The following GABRB2 variants were observed in gnomAD, a reference collection of about 807,000 sequenced individuals.
The protein encoded by GABRB2 is gamma-aminobutyric acid type A receptor subunit beta2.
GABRB2 carries 16 observed loss-of-function variants against 54.7 expected under a neutral mutation model. The ratio of observed to expected loss-of-function variants is 0.29; its 90% CI spans 0.20 to 0.44. The LOEUF (loss-of-function observed/expected upper bound fraction) is 0.44. Ranked by LOEUF, GABRB2 falls within the 20% of genes least tolerant of loss-of-function variation. The pLI is 1.00. For synonymous variants in GABRB2, 244 were observed against 233.8 expected, an observed-to-expected ratio of 1.04 and a Z score of -0.40; for missense variants, 355 against 644.0, an observed-to-expected ratio of 0.55 and a Z score of 4.86.
At chr5:161,325,597 A>G (rs557492516) in intron 9 of GABRB2, among the ~76,000 whole-genome samples, 18 of 152,254 alleles carry the variant, frequency 1.2e-4, no homozygotes, top group African/African-American at 4.3e-4. Flanking sequence ...AAAGATTCAC[A>G]AATATCCAAT....
At chr5:161,517,153 T>C (rs767250241) in intron 3 of GABRB2, among the ~76,000 whole-genome samples, 1 of 152,104 alleles carries the variant, frequency 6.6e-6, no homozygotes, top group African/African-American at 2.4e-5. Context: ...ATTAGGTGTT[T>C]GGGACCCAGC....
At chr5:161,301,636 G>A (rs35501377) in intron 9 of GABRB2, among the ~76,000 whole-genome samples, 3,865 of 152,286 alleles carry the variant, frequency 0.025, 73 homozygotes, top group East Asian at 0.076. Context: ...TGAAACGAGA[G>A]GGAGGGAAGA....
intron 5 of GABRB2, among the ~76,000 whole-genome samples, chr5:161,377,942 C>T (rs1755358120): frequency 2.0e-5 from 3 of 151,950 alleles, no homozygotes; most frequent in South Asian, 2.1e-4. Context: ...TTATTACATA[C>T]ATATTTAATA....
chr5:161,316,298 C>T (rs1023746546), intron 9 of GABRB2, among the ~76,000 whole-genome samples: 4 of 152,090 alleles, frequency 2.6e-5, no homozygotes, highest in Middle Eastern at 3.4e-3. Flanking sequence ...AATTTGTCTT[C>T]GTGAAGACCC....
intron 9 of GABRB2, among the ~76,000 whole-genome samples, chr5:161,300,268 C>A (rs1757498703): frequency 6.6e-6 from 1 of 152,168 alleles, no homozygotes; most frequent in African/African-American, 2.4e-5. Context: ...CTTTACAAAT[C>A]TAGATGTTAA....
intron 3 of GABRB2, among the ~76,000 whole-genome samples, chr5:161,490,251 G>T (rs1490422323): frequency 6.6e-6 from 1 of 151,600 alleles, no homozygotes. Context: ...TAAACTGTAT[G>T]TCCAGCATTT....
At chr5:161,540,029 G>A (rs1182859401) in intron 3 of GABRB2, among the ~76,000 whole-genome samples, 3 of 152,166 alleles carry the variant, frequency 2.0e-5, no homozygotes, top group Non-Finnish European at 4.4e-5. Flanking sequence ...CGCTGGCGTG[G>A]CTGAGACAGT....
At chr5:161,492,768 C>T (rs184457142) in intron 3 of GABRB2, among the ~76,000 whole-genome samples, 86 of 151,816 alleles carry the variant, frequency 5.7e-4, no homozygotes, top group Non-Finnish European at 1.0e-3. Flanking sequence ...ATGAGTCAAA[C>T]GGGATCGTCC....
At chr5:161,460,258 T>A (rs1251463697) in intron 3 of GABRB2, among the ~76,000 whole-genome samples, 1 of 148,794 alleles carries the variant, frequency 6.7e-6, no homozygotes, top group South Asian at 2.1e-4. Context: ...GAAAACAAAT[T>A]TATATATATA....
chr5:161,518,110 T>C (rs2113422697), intron 3 of GABRB2, among the ~76,000 whole-genome samples: 1 of 152,210 alleles, frequency 6.6e-6, no homozygotes, highest in East Asian at 1.9e-4. Context: ...ACCTGGCCAA[T>C]TTCTGATTTT....
chr5:161,480,714 C>T lies in GABRB2; in HGVS notation c.238-20870G>A, dbSNP rs1378831603. Among the ~76,000 whole-genome samples the T allele has an allele frequency of 2.6e-5, 4 of 152,182 alleles. No homozygotes were observed. In the East Asian group the frequency reaches 7.8e-4, roughly 30 times the overall value. The stretch of plus-strand genomic sequence containing the variant: ...ATGATTTGAGTCAGCTCATTTAAAA[C>T]ATGTTTACCAGGAATTAGTGTTTAA... On this transcript the variant is annotated intron_variant, in intron 3 of 9. Coordinates refer to ENST00000393959, the MANE Select transcript of GABRB2 (RefSeq NM_001371727.1).
At chr5:161,392,582 C>T (rs1480738239) in intron 5 of GABRB2, among the ~76,000 whole-genome samples, 1 of 152,114 alleles carries the variant, frequency 6.6e-6, no homozygotes, top group African/African-American at 2.4e-5. Context: ...CTCTGTGTAA[C>T]CTTGGGCATG....
intron 3 of GABRB2, among the ~76,000 whole-genome samples, chr5:161,539,413 A>G (rs1760744166): frequency 6.6e-6 from 1 of 152,174 alleles, no homozygotes; most frequent in African/African-American, 2.4e-5. Flanking sequence ...AGGACTCACA[A>G]CTGCATGCCA....
intron 3 of GABRB2, among the ~76,000 whole-genome samples, chr5:161,528,102 C>T (rs1165917323): frequency 2.0e-5 from 3 of 151,672 alleles, no homozygotes; most frequent in Non-Finnish European, 4.4e-5. Context: ...TGCATTCACA[C>T]AAGGGAATTC....
intron 3 of GABRB2, among the ~76,000 whole-genome samples, chr5:161,469,680 CACATACACATA>C (rs1299444755): frequency 3.6e-4 from 38 of 105,208 alleles, no homozygotes; most frequent in African/African-American, 1.3e-3. Context: ...TTCACACATA[CACATACACATA>C]CACATACACA....
At chr5:161,447,311 G>T (rs1034353782) in intron 4 of GABRB2, among the ~76,000 whole-genome samples, 1 of 152,122 alleles carries the variant, frequency 6.6e-6, no homozygotes, top group African/African-American at 2.4e-5. Context: ...GCCTCATTAT[G>T]CAATGATGTA....
chr5:161,401,697 T>G (rs1756196947), intron 5 of GABRB2, among the ~76,000 whole-genome samples: 1 of 152,178 alleles, frequency 6.6e-6, no homozygotes, highest in Admixed American at 6.5e-5. Context: ...AAACCAAGTC[T>G]AAAGAAATGA....
intron 5 of GABRB2, among the ~76,000 whole-genome samples, chr5:161,408,003 G>A (rs1756395728): frequency 1.3e-5 from 2 of 151,992 alleles, no homozygotes; most frequent in African/African-American, 4.8e-5. Flanking sequence ...TTTATTTCAA[G>A]GCTTGCTTTA....
chr5:161,292,253 C>G lies in GABRB2; in HGVS notation c.*1828G>C, dbSNP rs772676720. On this transcript the variant is annotated 3_prime_UTR_variant, in exon 10 of 10. Transcript: ENST00000393959. ...GGAAACAAGGAATCAAGAAAACATA[C>G]ATTATTCACAGGTGGATACTGGCTG... The G allele has an allele frequency of 3.9e-5, 6 of 152,136 alleles. No individual in the cohort carries two copies. The highest frequency in any genetic ancestry group is 9.7e-5 in the African/African-American group (4 of 41,436). The allele number at this position is 152,136 out of a possible 1,614,324, so 9.4% of individuals were successfully genotyped here.
Sources: allele counts gnomAD v4.1 joint callset (sites outside exome capture counted in the v4.1 genomes callset), GRCh38; gene constraint gnomAD v4.1.1; transcripts MANE v1.5; gene names NCBI Gene and HGNC (gene_info 2026-07-23, HGNC 2026-07-21).